The following MGST1 variants were observed in gnomAD, a reference collection of about 807,000 sequenced individuals.
MGST1 encodes glutathione S-transferase 12.
MGST1 carries 5 observed loss-of-function variants against 8.9 expected under a neutral mutation model. The observed-to-expected ratio is 0.56, with a 90% CI of 0.29 to 1.19. The LOEUF (loss-of-function observed/expected upper bound fraction) is 1.19, where lower values mean the gene tolerates loss of function less well. Ranked by LOEUF, MGST1 falls within the 50% of genes most tolerant of loss-of-function variation. The pLI is 0.08. For synonymous variants in MGST1, 54 were observed against 67.8 expected, an observed-to-expected ratio of 0.80 and a Z score of 1.00; for missense variants, 182 against 187.4, an observed-to-expected ratio of 0.97 and a Z score of 0.17.
At chr12:16,430,513 A>G (rs1205259582) in intron 1 of MGST1, among the ~76,000 whole-genome samples, 1 of 152,198 alleles carries the variant, frequency 6.6e-6, no homozygotes, top group East Asian at 1.9e-4. Flanking sequence ...CAGAATGGAT[A>G]TTGTGTTAGC....
At chr12:16,550,049 A>G (rs1248618646) in intron 4 of MGST1, 1 of 151,938 alleles carries the variant, frequency 6.6e-6, no homozygotes, top group African/African-American at 2.4e-5. Context: ...ATATATAATC[A>G]CTAGTTCTCA....
At chr12:16,550,044 T>TAATC (rs1423539113) in intron 4 of MGST1, 2 of 151,986 alleles carry the variant, frequency 1.3e-5, no homozygotes, top group Non-Finnish European at 2.9e-5. Flanking sequence ...GAAAAATATA[T>TAATC]AATCACTAGT....
At chr12:16,466,347 T>C (rs1414451600) in intron 4 of MGST1, among the ~76,000 whole-genome samples, 1 of 152,142 alleles carries the variant, frequency 6.6e-6, no homozygotes, top group African/African-American at 2.4e-5. Flanking sequence ...AATTTTTAAA[T>C]AGCTGGCGAG....
Position 16,458,618 on chromosome 12 carries a change from C to T in MGST1, n.482+75014C>T, listed in dbSNP as rs898549321. On this transcript the variant is annotated intron_variant and non_coding_transcript_variant, in intron 4 of 4. Coordinates refer to the MGST1 transcript ENST00000538857. This position sits in a 1 kb window ranked among gnomAD's most constrained non-coding sequence, Gnocchi z 4.0. ...GTATTGCTTTAATATGTGTAATAAG[C>T]TTGTATGAAAATGAAATTATATATT... 2.0e-4 allele frequency among the ~76,000 whole-genome samples: 30 copies of T among 151,912 alleles called. No individual in the cohort carries two copies. The highest frequency in any genetic ancestry group is 5.9e-5 in the Non-Finnish European group (4 of 67,962).
intron 1 of MGST1, chr12:16,349,248 A>C (rs1939344726): frequency 6.6e-6 from 1 of 152,274 alleles, no homozygotes; most frequent in Non-Finnish European, 1.5e-5. Flanking sequence ...ATATTGATGC[A>C]GAAAGGCTGG....
At chr12:16,379,853 A>G (rs905768356), downstream of MGST1, among the ~76,000 whole-genome samples, 8 of 152,060 alleles carry the variant, frequency 5.3e-5, no homozygotes, top group Non-Finnish European at 1.0e-4. Flanking sequence ...CAGAGATTCA[A>G]CTTCTTCCTG....
chr12:16,356,163 G>A (rs1473441553), intron 2 of MGST1, among the ~76,000 whole-genome samples: 1 of 152,148 alleles, frequency 6.6e-6, no homozygotes, highest in African/African-American at 2.4e-5. Context: ...CGAAGATTAG[G>A]CTTTAACATA....
At chr12:16,445,447 A>G (rs1355327466) in intron 4 of MGST1, among the ~76,000 whole-genome samples, 1 of 151,932 alleles carries the variant, frequency 6.6e-6, no homozygotes, top group Non-Finnish European at 1.5e-5. Flanking sequence ...TTCACTTTGC[A>G]TTCTAAGGAT....
chr12:16,406,392 G>T (rs1262873268), intron 1 of MGST1, among the ~76,000 whole-genome samples: 1 of 152,094 alleles, frequency 6.6e-6, no homozygotes, highest in Non-Finnish European at 1.5e-5. Context: ...ATTACAAAAC[G>T]CTGCTCAAGG....
At chr12:16,528,673 T>C (rs1941703934) in intron 4 of MGST1, among the ~76,000 whole-genome samples, 1 of 152,046 alleles carries the variant, frequency 6.6e-6, no homozygotes, top group African/African-American at 2.4e-5. Context: ...GTATACAGTT[T>C]AGTGCTAGCA....
intron 1 of MGST1, among the ~76,000 whole-genome samples, chr12:16,405,850 T>G (rs1382967233): frequency 6.6e-6 from 1 of 152,144 alleles, no homozygotes; most frequent in Non-Finnish European, 1.5e-5. Context: ...AGGCTTTTGA[T>G]AAAATTCAAC....
rs1359472138 is a variant in MGST1 at position 16,497,647 on chromosome 12, A to T, written n.483-91881A>T. On this transcript the variant is annotated intron_variant and non_coding_transcript_variant, in intron 4 of 4. Coordinates refer to the MGST1 transcript ENST00000538857. The surrounding 1 kb of genome is among the most constrained non-coding windows in gnomAD (Gnocchi z 4.4). ...GGAGTTTTAACTAGGTCGTGGGCCA[A>T]ATACTTTCTTCAGAAAATTTAGCCA... Among the ~76,000 whole-genome samples the T allele has an allele frequency of 6.6e-6, 1 of 152,152 alleles. No homozygotes were observed. Among genetic ancestry groups the T allele is most frequent in the African/African-American group, 2.4e-5 (1 of 41,454 alleles).
chr12:16,507,482 T>A (rs1941546028), intron 4 of MGST1, among the ~76,000 whole-genome samples: 1 of 152,048 alleles, frequency 6.6e-6, no homozygotes, highest in Non-Finnish European at 1.5e-5. Flanking sequence ...ATAAAATAAT[T>A]AACACCAGAA....
intron 1 of MGST1, among the ~76,000 whole-genome samples, chr12:16,394,572 T>TCTC (rs1565446466): frequency 1.9e-4 from 15 of 78,210 alleles, no homozygotes; most frequent in African/African-American, 5.5e-4. Flanking sequence ...CTTTCTTTCT[T>TCTC]TCTTCTCTCT....
At chr12:16,495,313 T>C (rs913869688) in intron 4 of MGST1, among the ~76,000 whole-genome samples, 2 of 151,960 alleles carry the variant, frequency 1.3e-5, no homozygotes, top group East Asian at 1.9e-4. Flanking sequence ...TGGGGACAAA[T>C]AGAAGGGGAG....
At chr12:16,469,462 T>A (rs567446693) in intron 4 of MGST1, among the ~76,000 whole-genome samples, 2 of 152,332 alleles carry the variant, frequency 1.3e-5, no homozygotes, top group East Asian at 3.9e-4. Context: ...GTGTTGGGAT[T>A]ACAGGCATGA....
chr12:16,384,078 C>T (rs556034294), intron 1 of MGST1, among the ~76,000 whole-genome samples: 4 of 152,044 alleles, frequency 2.6e-5, no homozygotes, highest in Non-Finnish European at 4.4e-5. Flanking sequence ...GTAGAAATTC[C>T]TCTGGTACAA....
upstream of MGST1, among the ~76,000 whole-genome samples, chr12:16,382,654 T>C (rs947989636): frequency 6.6e-6 from 1 of 152,150 alleles, no homozygotes; most frequent in African/African-American, 2.4e-5. Context: ...GAACCACTAC[T>C]CTCTTCAAAG....
In MGST1 at chr12:16,559,939, G is replaced by A. The variant is rs1251770972; in HGVS notation, n.483-29589G>A. Among the ~76,000 whole-genome samples, 1 of 152,032 alleles carries A rather than the reference G, an allele frequency of 6.6e-6. No individual in the cohort carries two copies. Among genetic ancestry groups the A allele is most frequent in the Non-Finnish European group, 1.5e-5 (1 of 68,022 alleles). ...AGTGCCACTGCGCTCTAGGCTGGGT[G>A]ACAGAACCAGACCTTGTATTTAAAA... On this transcript the variant is annotated intron_variant and non_coding_transcript_variant, in intron 4 of 4. Transcript: ENST00000538857. The surrounding 1 kb of genome is among the most constrained non-coding windows in gnomAD (Gnocchi z 4.1).
Sources: allele counts gnomAD v4.1 joint callset (sites outside exome capture counted in the v4.1 genomes callset), GRCh38; gene constraint gnomAD v4.1.1; non-coding constraint Gnocchi (gnomAD v3.1); transcripts MANE v1.5; gene names NCBI Gene and HGNC (gene_info 2026-07-23, HGNC 2026-07-21).